Variants in NOX5 observed in about 807,000 individuals in gnomAD.
The protein encoded by NOX5 is NADPH oxidase 5, also known as NADPH oxidase, EF-hand calcium binding domain 5.
A neutral mutation model predicts 85.7 loss-of-function variants in NOX5; 76 were observed. The ratio of observed to expected loss-of-function variants is 0.89; its 90% CI spans 0.74 to 1.07. The LOEUF is 1.07. Among genes scored for constraint, NOX5 ranks in the 50% least tolerant of loss-of-function variants. NOX5 has a pLI of 0.00. For missense variants in NOX5, 973 were observed against 999.5 expected (o/e 0.97, Z 0.36); for synonymous variants, 405 against 401.4 (o/e 1.01, Z -0.11).
chr15:69,055,535 T>TGG lies in NOX5; in HGVS notation c.2166+36_2166+37dup, dbSNP rs2050801946. On this transcript the variant is annotated intron_variant, in intron 15 of 15. Transcript: ENST00000388866. ...ACTGGAGCCCTGCAGCTTGCAGGTATGGATGAAGCTGAGAGCTCGAGGCAG... is the reference window on the plus strand; with the variant it reads ...ACTGGAGCCCTGCAGCTTGCAGGTATGGGGATGAAGCTGAGAGCTCGAGGCAG... The TGG allele has an allele frequency of 5.6e-6, 9 of 1,603,246 alleles. No homozygotes were observed. The African/African-American group carries it at 9.4e-5, about 17-fold the overall frequency.
chr15:69,053,364 G>T (rs965941681), intron 14 of NOX5, among the ~76,000 whole-genome samples: 1 of 152,190 alleles, frequency 6.6e-6, no homozygotes, highest in African/African-American at 2.4e-5. Context: ...AGTGACTGGA[G>T]CTTAATAAAC....
At chr15:69,056,521 C>T (rs760499900) in intron 15 of NOX5, 44 bp from the exon 16 acceptor site, 15 of 1,602,910 alleles carry the variant, frequency 9.4e-6, no homozygotes, top group Non-Finnish European at 1.0e-5. Context: ...GTCAGCAGCT[C>T]CACCTATCTT....
At position 69,047,853 on chromosome 15, in the gene NOX5, GC is replaced by G; in HGVS notation, c.1845del (p.Ser616AlafsTer14). ...MYRHQKRKHTCPSCQHSWIEG... is the reference protein window; with the variant it reads ...MYRHQKRKHTXPSCQHSWIEG... The stretch of plus-strand genomic sequence containing the variant: ...AGGCACCAGAAAAGAAAGCATACTT[GC>G]CCCAGCTGCCAGCACTCCTGGATCG... On this transcript the variant is annotated frameshift_variant, in exon 13 of 16. Coordinates refer to ENST00000388866, the MANE Select transcript of NOX5 (RefSeq NM_024505.4). LOFTEE classifies it high-confidence loss of function. 6.2e-7 allele frequency: 1 copy of G among 1,614,022 alleles called. No individual in the cohort carries two copies. The highest frequency in any genetic ancestry group is 8.5e-7 in the Non-Finnish European group (1 of 1,179,994).
At chr15:69,041,105 C>T (rs1482691416) in intron 9 of NOX5, among the ~76,000 whole-genome samples, 3 of 152,216 alleles carry the variant, frequency 2.0e-5, no homozygotes, top group South Asian at 2.1e-4. Context: ...AATATACCAA[C>T]TTCGTTTACA....
Position 69,049,067 on chromosome 15 carries a change from G to C in NOX5, c.1999+9G>C. On this transcript the variant is annotated intron_variant, in intron 14 of 15. Transcript: ENST00000388866. Reference sequence around the variant, plus strand: ...CGAGGAGGCTCAATACGGTAAGAGAGGGACAGGGCCTGAGGGCAGTAGGAG... The same window carrying C: ...CGAGGAGGCTCAATACGGTAAGAGACGGACAGGGCCTGAGGGCAGTAGGAG... 1.2e-6 allele frequency: 2 copies of C among 1,603,628 alleles called. No individual in the cohort carries two copies. Among genetic ancestry groups the C allele is most frequent in the Admixed American group, 1.7e-5 (1 of 59,258 alleles).
chr15:69,045,536 T>TTTTC (rs11389610), intron 10 of NOX5, among the ~76,000 whole-genome samples: 1,260 of 94,550 alleles, frequency 0.013, 26 homozygotes, highest in African/African-American at 0.021. Flanking sequence ...TTCCTTTCTT[T>TTTTC]TTTCTTTCTT....
intron 11 of NOX5, 138 bp from the exon 12 acceptor site, chr15:69,047,275 C>A: frequency 8.9e-7 from 1 of 1,121,538 alleles, no homozygotes; most frequent in Non-Finnish European, 1.2e-6. Flanking sequence ...GAGTGGGAGC[C>A]ACTTAGACCT....
intron 11 of NOX5, 80 bp from the exon 12 acceptor site, chr15:69,047,333 A>G: frequency 6.8e-7 from 1 of 1,470,924 alleles, no homozygotes; most frequent in Non-Finnish European, 9.0e-7. Context: ...GGGGTTCTGA[A>G]GCCCTGGGGA....
intron 8 of NOX5, 70 bp downstream of exon 8, chr15:69,037,280 C>A: frequency 6.9e-7 from 1 of 1,442,800 alleles, no homozygotes; most frequent in Non-Finnish European, 9.5e-7. Context: ...GGTGGAGCAG[C>A]TGGATACCCT....
chr15:69,033,468 C>G (rs1377836998), intron 5 of NOX5, among the ~76,000 whole-genome samples, 191 bp downstream of exon 5: 1 of 152,170 alleles, frequency 6.6e-6, no homozygotes, highest in Non-Finnish European at 1.5e-5. Flanking sequence ...CACAGTCACA[C>G]AGCCAGTAAA....
At chr15:69,022,907 G>A in intron 1 of NOX5, 2 of 464,278 alleles carry the variant, frequency 4.3e-6, no homozygotes, top group Non-Finnish European at 8.6e-6. Flanking sequence ...CTCCTGAAAA[G>A]GATGTCTAAG....
intron 10 of NOX5, among the ~76,000 whole-genome samples, chr15:69,044,109 A>G (rs2050631600): frequency 6.6e-6 from 1 of 151,960 alleles, no homozygotes; most frequent in Non-Finnish European, 1.5e-5. Context: ...TCTTGAACCC[A>G]GGAGGCAGAG....
intron 14 of NOX5, among the ~76,000 whole-genome samples, chr15:69,054,091 G>A (rs749207951): frequency 4.3e-4 from 65 of 152,214 alleles, no homozygotes; most frequent in African/African-American, 1.0e-3. Flanking sequence ...TGAGGTGATC[G>A]TCAGTCAGCT....
At chr15:69,056,278 T>G (rs2050810951) in intron 15 of NOX5, among the ~76,000 whole-genome samples, 1 of 152,086 alleles carries the variant, frequency 6.6e-6, no homozygotes, top group African/African-American at 2.4e-5. Flanking sequence ...TCTCCCACAG[T>G]TGCAGATCCT....
At position 69,056,681 on chromosome 15, in the gene NOX5, C is replaced by T; in HGVS notation, c.2283C>T (p.Phe761=). The T allele has an allele frequency of 1.9e-6, 3 of 1,613,684 alleles. No homozygotes were observed. Among genetic ancestry groups the T allele is most frequent in the Non-Finnish European group, 1.7e-6 (2 of 1,180,012 alleles). The change falls in exon 16 of 16, where the codon TTC becomes TTT. Residue 761 remains phenylalanine (F), a synonymous_variant. Coordinates refer to ENST00000388866, the MANE Select transcript of NOX5 (RefSeq NM_024505.4). ...GTGAGAAGTTCGGCTTCAGATTTTT[C>T]CAAGAGAATTTCTAGCCTCACCTCT... ...GHCEKFGFRF[F]QENF is the part of the protein sequence containing the mutation.
rs753049513 is a variant in NOX5, at chr15:69,037,161, C to T, written c.1322C>T (p.Ser441Phe). 5.6e-6 allele frequency: 9 copies of T among 1,613,902 alleles called. No individual in the cohort carries two copies. The African/African-American group carries it at 1.2e-4, about 22-fold the overall frequency. The change falls in exon 8 of 16, where the codon TCC becomes TTC. Residue 441 changes from serine (S) to phenylalanine (F), a missense_variant. Transcript: ENST00000388866. ...FLEKAIGLAV[S>F]RMAAVCIMEV... ...GAGAAGGCCATCGGACTGGCAGTGT[C>T]CCGCATGGCAGCCGTGTGCATCATG...
intron 10 of NOX5, among the ~76,000 whole-genome samples, chr15:69,043,804 T>C (rs535363224): frequency 6.6e-6 from 1 of 152,290 alleles, no homozygotes; most frequent in Admixed American, 6.5e-5. Flanking sequence ...GGCGCAACTT[T>C]CTGGCAGGCA....
chr15:69,050,872 G>A (rs1202517089), intron 14 of NOX5, among the ~76,000 whole-genome samples: 2 of 152,182 alleles, frequency 1.3e-5, no homozygotes, highest in South Asian at 4.2e-4. Flanking sequence ...CACCTAATGC[G>A]CTATATACGG....
chr15:69,049,029 A>G lies in NOX5; in HGVS notation c.1970A>G (p.Glu657Gly). 1 of 1,612,572 alleles carries G rather than the reference A, an allele frequency of 6.2e-7. No individual in the cohort carries two copies. The highest frequency in any genetic ancestry group is 8.5e-7 in the Non-Finnish European group (1 of 1,179,528). The change falls in exon 14 of 16, where the codon GAG becomes GGG. Residue 657 changes from glutamate to glycine, a missense_variant. Glu to Gly is a moderately conservative substitution (Grantham distance 98). Transcript: ENST00000388866. ...TTTGTGAGCCTGCTGACTAAACTGG[A>G]GATGGACCAGGCCGAGGAGGCTCAA... ...EWFVSLLTKL[E>G]MDQAEEAQYG...
Sources: gnomAD v4.1 joint callset for allele counts (sites outside exome capture counted in the v4.1 genomes callset) on GRCh38, gnomAD v4.1.1 for gene constraint, MANE v1.5 for transcripts, NCBI Gene and HGNC (gene_info 2026-07-23, HGNC 2026-07-21) for gene names.